Variants in ELK3 observed in about 807,000 individuals in gnomAD.
The protein encoded by ELK3 is ETS transcription factor ELK3.
ELK3 carries 10 observed loss-of-function variants against 28.9 expected under a neutral mutation model. The observed-to-expected ratio is 0.35, with a 90% CI of 0.21 to 0.59. The LOEUF is 0.59. ELK3 is among the 20% of genes least tolerant of loss of function. ELK3 has a pLI of 0.82. For synonymous variants in ELK3, 272 were observed against 243.5 expected, an observed-to-expected ratio of 1.12 and a Z score of -1.09; for missense variants, 463 against 517.3, an observed-to-expected ratio of 0.90 and a Z score of 1.02.
In ELK3 at chr12:96,269,165, C is replaced by T. The variant is rs1391390843; in HGVS notation, c.*1985C>T. On this transcript the variant is annotated 3_prime_UTR_variant, in exon 5 of 5. Transcript: ENST00000228741. ...ATTGGTGCTCAGTCCAATTCTGTCT[C>T]CCCCATGCCTAGCTGTTAAGTAATT... 6.6e-6 allele frequency: 1 copy of T among 152,276 alleles called. No homozygotes were observed. The highest frequency in any genetic ancestry group is 6.5e-5 in the Admixed American group (1 of 15,292). The allele number at this position is 152,276 out of a possible 1,614,324, so 9.4% of individuals were successfully genotyped here.
At position 96,200,379 on chromosome 12, in the gene ELK3, C is replaced by G. The variant is rs367858022; in HGVS notation, c.-3+5674C>G. On this transcript the variant is annotated intron_variant, in intron 1 of 4. Coordinates refer to ENST00000228741, the MANE Select transcript of ELK3 (RefSeq NM_005230.4). ...CGAGGCTCTTGGTATCTTCCCCTCT[C>G]TCTTTTTTTTAAGTTGAGGTATGAT... 1.1e-4 allele frequency among the ~76,000 whole-genome samples: 17 copies of G among 152,026 alleles called. No individual in the cohort carries two copies. In the South Asian group the frequency reaches 2.9e-3, roughly 26 times the overall value.
In ELK3 at chr12:96,269,260, G is replaced by A. The variant is rs1180475923; in HGVS notation, c.*2080G>A. On this transcript the variant is annotated 3_prime_UTR_variant, in exon 5 of 5. Coordinates refer to ENST00000228741, the MANE Select transcript of ELK3 (RefSeq NM_005230.4). ...TAAAGACAGCATTTAAAACTGTGTTGTCAGATAAGAGAACACATCCAAAAT... is the reference window on the plus strand; with the variant it reads ...TAAAGACAGCATTTAAAACTGTGTTATCAGATAAGAGAACACATCCAAAAT... 1.3e-5 allele frequency: 2 copies of A among 152,206 alleles called. No individual in the cohort carries two copies. Among genetic ancestry groups the A allele is most frequent in the African/African-American group, 2.4e-5 (1 of 41,456 alleles). The allele number at this position is 152,206 out of a possible 1,614,324, so 9.4% of individuals were successfully genotyped here. A position where few individuals can be genotyped will look rare whatever the true frequency, so the allele number is the denominator to read the frequency against.
intron 2 of ELK3, among the ~76,000 whole-genome samples, chr12:96,234,492 AC>A (rs1186285372): frequency 6.6e-6 from 1 of 151,350 alleles, no homozygotes; most frequent in East Asian, 1.9e-4. Context: ...AGCACCCACC[AC>A]CCGCCGTCCA....
chr12:96,251,716 C>T (rs928180627), intron 3 of ELK3, among the ~76,000 whole-genome samples: 2 of 152,186 alleles, frequency 1.3e-5, no homozygotes, highest in Non-Finnish European at 1.5e-5. Flanking sequence ...TCCTTTCAGG[C>T]TAACCCAGAG....
At chr12:96,214,552 T>A (rs1016849180) in intron 1 of ELK3, among the ~76,000 whole-genome samples, 1 of 152,188 alleles carries the variant, frequency 6.6e-6, no homozygotes, top group African/African-American at 2.4e-5. Flanking sequence ...ATGAACAATT[T>A]GTAGATATTC....
chr12:96,235,179 A>G (rs1050207761), intron 2 of ELK3, among the ~76,000 whole-genome samples: 1 of 150,136 alleles, frequency 6.7e-6, no homozygotes, highest in African/African-American at 2.5e-5. Context: ...ACCCCAACCC[A>G]ACTGCCTTCC....
intron 4 of ELK3, among the ~76,000 whole-genome samples, chr12:96,263,036 GAA>G (rs1952005564): frequency 6.6e-6 from 1 of 152,010 alleles, no homozygotes; most frequent in Admixed American, 6.6e-5. Flanking sequence ...AATGAAGGAA[GAA>G]AAAAATAGAT....
Position 96,234,769 on chromosome 12 carries a change from G to A in ELK3, c.207+10996G>A, listed in dbSNP as rs34550404. Among the ~76,000 whole-genome samples the A allele has an allele frequency of 7.9e-5, 12 of 152,194 alleles. No homozygotes were observed. The East Asian group carries it at 2.1e-3, about 27-fold the overall frequency. ...TGAGTCTCCAAGAGGTGTAAGTCACGGACTCAAGATGCAGCAGCAGGGCGG... is the reference window on the plus strand; with the variant it reads ...TGAGTCTCCAAGAGGTGTAAGTCACAGACTCAAGATGCAGCAGCAGGGCGG... On this transcript the variant is annotated intron_variant, in intron 2 of 4. Transcript: ENST00000228741.
At chr12:96,264,120 C>A (rs1337827626) in intron 4 of ELK3, among the ~76,000 whole-genome samples, 1 of 152,124 alleles carries the variant, frequency 6.6e-6, no homozygotes, top group Non-Finnish European at 1.5e-5. Flanking sequence ...GGGACTACAA[C>A]TACAGGCATA....
intron 1 of ELK3, among the ~76,000 whole-genome samples, chr12:96,196,719 T>A (rs1951471026): frequency 6.6e-6 from 1 of 150,410 alleles, no homozygotes; most frequent in African/African-American, 2.5e-5. Context: ...ATGCCAAATA[T>A]AGCAAAGGCC....
In ELK3 at chr12:96,269,272, A is replaced by T. The variant is rs377158822; in HGVS notation, c.*2092A>T. ...TTAAAACTGTGTTGTCAGATAAGAG[A>T]ACACATCCAAAATGCATGATTCTTA... On this transcript the variant is annotated 3_prime_UTR_variant, in exon 5 of 5. Transcript: ENST00000228741. 2.4e-4 allele frequency: 37 copies of T among 152,170 alleles called. No individual in the cohort carries two copies. Among genetic ancestry groups the T allele is most frequent in the African/African-American group, 8.2e-4 (34 of 41,454 alleles). 9.4% of individuals were successfully genotyped at this position (152,170 alleles called of 1,614,324 possible).
chr12:96,218,593 A>T (rs1319787651), intron 1 of ELK3, among the ~76,000 whole-genome samples: 5 of 151,584 alleles, frequency 3.3e-5, no homozygotes, highest in Non-Finnish European at 7.4e-5. Flanking sequence ...ACAAACATGC[A>T]TGTATACCCC....
chr12:96,237,445 A>T (rs1951792812), intron 2 of ELK3, among the ~76,000 whole-genome samples: 2 of 152,310 alleles, frequency 1.3e-5, no homozygotes, highest in Admixed American at 1.3e-4. Flanking sequence ...AGAGTCTCTT[A>T]TGGCCAGCTG....
intron 1 of ELK3, among the ~76,000 whole-genome samples, chr12:96,200,863 A>G (rs533138037): frequency 3.3e-5 from 5 of 151,992 alleles, no homozygotes; most frequent in Admixed American, 6.6e-5. Context: ...GGCTTTTGCC[A>G]TATTGGCCAG....
intron 2 of ELK3, among the ~76,000 whole-genome samples, chr12:96,225,565 T>G (rs1247544613): frequency 2.0e-5 from 3 of 152,220 alleles, no homozygotes; most frequent in African/African-American, 7.2e-5. Flanking sequence ...CCTTTAAACT[T>G]TACAACAACC....
At chr12:96,206,385 C>T (rs900934116) in intron 1 of ELK3, among the ~76,000 whole-genome samples, 1 of 151,734 alleles carries the variant, frequency 6.6e-6, no homozygotes, top group African/African-American at 2.4e-5. Context: ...GGCGCGATCT[C>T]GGCTCACCAC....
intron 3 of ELK3, among the ~76,000 whole-genome samples, chr12:96,255,093 T>C (rs1267888110): frequency 6.6e-6 from 1 of 151,958 alleles, no homozygotes; most frequent in Non-Finnish European, 1.5e-5. Context: ...CATGAGTATC[T>C]AAGGCTGTAT....
chr12:96,202,749 A>G (rs1444641175), intron 1 of ELK3, among the ~76,000 whole-genome samples: 1 of 150,922 alleles, frequency 6.6e-6, no homozygotes, highest in Non-Finnish European at 1.5e-5. Flanking sequence ...CTGATCTCAA[A>G]CTCCTGGCCT....
intron 2 of ELK3, among the ~76,000 whole-genome samples, chr12:96,244,627 A>G (rs547556095): frequency 7.2e-5 from 11 of 152,094 alleles, no homozygotes; most frequent in Non-Finnish European, 1.6e-4. Flanking sequence ...TGAGTGTTCA[A>G]ACTCGCTGAG....
Sources: gnomAD v4.1 joint callset for allele counts (sites outside exome capture counted in the v4.1 genomes callset) on GRCh38, gnomAD v4.1.1 for gene constraint, MANE v1.5 for transcripts, NCBI Gene and HGNC (gene_info 2026-07-23, HGNC 2026-07-21) for gene names.